Variants in CRYBG1 observed in about 807,000 individuals in gnomAD.
CRYBG1 encodes the protein crystallin beta-gamma domain containing 1, also known as beta/gamma crystallin domain-containing protein 1.
A neutral mutation model predicts 189.2 loss-of-function variants in CRYBG1; 139 were observed. That is an observed-to-expected ratio of 0.73 (90% CI 0.64 to 0.85). CRYBG1 has a LOEUF of 0.85. Among genes scored for constraint, CRYBG1 ranks in the 40% least tolerant of loss-of-function variants. The pLI is 0.00. For synonymous variants in CRYBG1, 1,023 were observed against 1,017.1 expected (o/e 1.01, Z -0.11); for missense variants, 2,611 against 2,675.8 (o/e 0.98, Z 0.53).
intron 1 of CRYBG1, among the ~76,000 whole-genome samples, chr6:106,371,468 T>A (rs1182623766): frequency 6.6e-6 from 1 of 152,192 alleles, no homozygotes; most frequent in East Asian, 1.9e-4. Flanking sequence ...TTGGCTTCCT[T>A]CCCCACCATT....
intron 2 of CRYBG1, among the ~76,000 whole-genome samples, chr6:106,479,795 TA>T (rs1171294580): frequency 6.6e-6 from 1 of 152,248 alleles, no homozygotes; most frequent in Non-Finnish European, 1.5e-5. Flanking sequence ...TGCTGAACTG[TA>T]AAAGTTCTGT....
chr6:106,558,382 C>G, intron 17 of CRYBG1, 104 bp from the exon 18 acceptor site: 1 of 1,010,390 alleles, frequency 9.9e-7, no homozygotes, highest in Non-Finnish European at 1.4e-6. Context: ...AAGGCCAAAT[C>G]TAGCAGATTT....
chr6:106,507,188 A>G (rs1056042443), intron 2 of CRYBG1, among the ~76,000 whole-genome samples: 1 of 152,226 alleles, frequency 6.6e-6, no homozygotes, highest in African/African-American at 2.4e-5. Context: ...CTAATGAGCC[A>G]CATTTCATAT....
chr6:106,463,695 T>C (rs1772059858), intron 2 of CRYBG1, among the ~76,000 whole-genome samples: 1 of 152,196 alleles, frequency 6.6e-6, no homozygotes, highest in South Asian at 2.1e-4. Context: ...ATAAAGCCTT[T>C]AGTTGTTTCT....
At chr6:106,504,948 T>TAA (rs200318829) in intron 2 of CRYBG1, among the ~76,000 whole-genome samples, 6 of 145,224 alleles carry the variant, frequency 4.1e-5, no homozygotes, top group Non-Finnish European at 9.1e-5. Context: ...TGGAAGTTAT[T>TAA]AAAAAAAAAA....
intron 1 of CRYBG1, among the ~76,000 whole-genome samples, chr6:106,428,283 A>G (rs1771264654): frequency 6.6e-6 from 1 of 152,206 alleles, no homozygotes; most frequent in African/African-American, 2.4e-5. Context: ...TATATTAGAA[A>G]TTGGTCAGAC....
At position 106,519,838 on chromosome 6, in the gene CRYBG1, C is replaced by T. The variant is rs1232610101; in HGVS notation, c.2630C>T (p.Ser877Phe). Reference sequence around the variant, plus strand: ...TCTCCTGGGCCTTCTCTTTCACTGTCTGCACCCGCTCCTGGGGATGTTCCC... The same window carrying T: ...TCTCCTGGGCCTTCTCTTTCACTGTTTGCACCCGCTCCTGGGGATGTTCCC... The part of the protein sequence containing the change: ...ESSPGPSLSL[S>F]APAPGDVPKD... Residue 877 changes from serine to phenylalanine, a missense_variant, in exon 4 of 22, where the codon TCT becomes TTT. Transcript: ENST00000633556. 1 of 1,614,230 alleles carries T rather than the reference C, an allele frequency of 6.2e-7. No individual in the cohort carries two copies. The highest frequency in any genetic ancestry group is 1.1e-5 in the South Asian group (1 of 91,086).
intron 1 of CRYBG1, among the ~76,000 whole-genome samples, chr6:106,445,441 T>C (rs1472413242): frequency 1.3e-5 from 2 of 152,234 alleles, no homozygotes; most frequent in African/African-American, 4.8e-5. Flanking sequence ...AGATTATCTC[T>C]AAGGGATCTT....
rs78463170 is a variant in CRYBG1, at chr6:106,369,193, C to T, written c.173+8112C>T. 1.2e-3 allele frequency among the ~76,000 whole-genome samples: 188 copies of T among 152,274 alleles called. 6 individuals carry two copies. In the East Asian group the frequency reaches 0.033, roughly 27 times the overall value. ...AATCAGAATCCATTTGCAGTGTCCC[C>T]GACCTCTCTCACTGGCATGTTATAG... On this transcript the variant is annotated intron_variant, in intron 1 of 21. Transcript: ENST00000633556.
intron 2 of CRYBG1, among the ~76,000 whole-genome samples, chr6:106,457,497 A>G (rs528875537): frequency 6.6e-6 from 1 of 152,302 alleles, no homozygotes; most frequent in South Asian, 2.1e-4. Context: ...GTAGGGGACA[A>G]ATATTTAAAC....
chr6:106,501,162 C>A (rs1461433801), intron 2 of CRYBG1, among the ~76,000 whole-genome samples: 1 of 151,986 alleles, frequency 6.6e-6, no homozygotes, highest in Non-Finnish European at 1.5e-5. Flanking sequence ...AAGAAATATA[C>A]AAATATATAT....
intron 2 of CRYBG1, among the ~76,000 whole-genome samples, chr6:106,465,164 G>A (rs1292634229): frequency 7.9e-5 from 12 of 151,992 alleles, no homozygotes; most frequent in East Asian, 3.8e-4. Context: ...ATTATTATTC[G>A]GAAATTACAT....
At chr6:106,441,502 C>T (rs879826) in intron 1 of CRYBG1, among the ~76,000 whole-genome samples, 83,979 of 151,984 alleles carry the variant, frequency 0.55, 23,304 homozygotes, top group East Asian at 0.64. Context: ...GTATCCCTGA[C>T]GTGTTGCTAA....
chr6:106,481,771 T>C (rs183943896), intron 2 of CRYBG1, among the ~76,000 whole-genome samples: 1 of 152,304 alleles, frequency 6.6e-6, no homozygotes, highest in East Asian at 1.9e-4. Context: ...GGCCGGCCTA[T>C]CCCTCAGGCC....
chr6:106,427,167 C>G (rs1018122784), intron 1 of CRYBG1, among the ~76,000 whole-genome samples: 5 of 152,170 alleles, frequency 3.3e-5, no homozygotes, highest in African/African-American at 1.2e-4. Context: ...TCTGGACTTA[C>G]AGCTTTAGAT....
chr6:106,548,502 T>A (rs929625300), intron 13 of CRYBG1, among the ~76,000 whole-genome samples: 1 of 152,086 alleles, frequency 6.6e-6, no homozygotes, highest in East Asian at 1.9e-4. Flanking sequence ...AAGAACAGAG[T>A]ACTGGCTAAA....
chr6:106,428,348 C>T (rs1388259463), intron 1 of CRYBG1, among the ~76,000 whole-genome samples: 1 of 152,010 alleles, frequency 6.6e-6, no homozygotes, highest in Admixed American at 6.6e-5. Flanking sequence ...ATGTAAACAA[C>T]CAATATGATG....
At position 106,360,795 on chromosome 6, in the gene CRYBG1, C is replaced by G. The variant is rs1006903497; in HGVS notation, c.-114C>G. 3.9e-6 allele frequency: 5 copies of G among 1,278,618 alleles called. No homozygotes were observed. In the African/African-American group the frequency reaches 6.3e-5, roughly 16 times the overall value. 79.2% of individuals were successfully genotyped at this position (1,278,618 alleles called of 1,614,324 possible). On this transcript the variant is annotated 5_prime_UTR_variant, in exon 1 of 22. Transcript: ENST00000633556. Reference sequence around the variant, plus strand: ...CGCATCCGCGACGAGGGGGCGGGGTCCCACGGCGCGCTGAGAAAGGCGGGC... The same window carrying G: ...CGCATCCGCGACGAGGGGGCGGGGTGCCACGGCGCGCTGAGAAAGGCGGGC...
chr6:106,535,250 A>AT (rs1045542606), intron 8 of CRYBG1, among the ~76,000 whole-genome samples: 23 of 152,048 alleles, frequency 1.5e-4, no homozygotes, highest in Admixed American at 3.3e-4. Context: ...ATCTCTATGT[A>AT]TTTTTTTCAT....
Sources: allele counts gnomAD v4.1 joint callset (sites outside exome capture counted in the v4.1 genomes callset), GRCh38; gene constraint gnomAD v4.1.1; transcripts MANE v1.5; gene names NCBI Gene and HGNC (gene_info 2026-07-23, HGNC 2026-07-21).